Variants in ABCC8 observed in about 807,000 individuals in gnomAD.
ABCC8 encodes the protein ATP binding cassette subfamily C member 8, also known as ATP-binding cassette sub-family C member 8.
Under a neutral mutation model 188.0 loss-of-function variants are expected in ABCC8, and 137 were observed. The ratio of observed to expected loss-of-function variants is 0.73; its 90% CI spans 0.63 to 0.84. The LOEUF is 0.84. Among genes scored for constraint, ABCC8 ranks in the 40% least tolerant of loss-of-function variants. The probability of loss-of-function intolerance (pLI) is 0.00; values close to 1 mark genes in which losing one functional copy is unlikely to be tolerated. For missense variants in ABCC8, 1,750 were observed against 2,072.7 expected, an observed-to-expected ratio of 0.84 and a Z score of 3.02; for synonymous variants, 797 against 846.5, an observed-to-expected ratio of 0.94 and a Z score of 1.01.
At position 17,450,300 on chromosome 11, in the gene ABCC8, TTCTTTCTTTCTTTCTTTCTTTCTTTCTC is replaced by T. The variant is rs1564959129; in HGVS notation, c.1177-1657_1177-1630del. Among the ~76,000 whole-genome samples, 68 of 139,338 alleles carry T rather than the reference TTCTTTCTTTCTTTCTTTCTTTCTTTCTC, an allele frequency of 4.9e-4. 1 individual carries two copies. Among genetic ancestry groups the T allele is most frequent in the South Asian group, 2.0e-3 (9 of 4,406 alleles). The allele number at this position is 139,338 out of a possible 152,430, so 91.4% of individuals were successfully genotyped here. ...TTTCTTTCTTTCTTTCTTTCTTTCT[TTCTTTCTTTCTTTCTTTCTTTCTTTCTC>T]TCTCTCTCTTTCCTTTCTTTCTTTC... On this transcript the variant is annotated intron_variant, in intron 7 of 38. Transcript: ENST00000389817.
At position 17,430,803 on chromosome 11, in the gene ABCC8, C is replaced by G. The variant is rs768601143; in HGVS notation, c.1817+11G>C. The G allele has an allele frequency of 1.2e-6, 2 of 1,613,984 alleles. No homozygotes were observed. Among genetic ancestry groups the G allele is most frequent in the Admixed American group, 3.3e-5 (2 of 60,026 alleles). Reference sequence around the variant, plus strand: ...GCCTGCCCAGTGCCCTCGCCCGGACCCTCCCCTCACCTCACTAGAGCTTTG... The same window carrying G: ...GCCTGCCCAGTGCCCTCGCCCGGACGCTCCCCTCACCTCACTAGAGCTTTG... On this transcript the variant is annotated intron_variant, in intron 12 of 38. Transcript: ENST00000389817.
chr11:17,454,811 A>G (rs1956935148), intron 6 of ABCC8, among the ~76,000 whole-genome samples: 1 of 152,174 alleles, frequency 6.6e-6, no homozygotes. Flanking sequence ...TGTCAAAAAC[A>G]CTACCCCAGA....
chr11:17,432,412 C>T (rs181385818), intron 10 of ABCC8, 168 bp from the exon 11 acceptor site: 7 of 1,401,768 alleles, frequency 5.0e-6, no homozygotes, highest in African/African-American at 4.3e-5. Context: ...CAGTTCCTCA[C>T]CCCATTTCCC....
intron 1 of ABCC8, 134 bp downstream of exon 1, chr11:17,476,495 G>T: frequency 8.9e-7 from 1 of 1,121,730 alleles, no homozygotes; most frequent in East Asian, 2.7e-5. Flanking sequence ...CAGGACACAG[G>T]GCAGGGGACC....
At chr11:17,446,927 T>C (rs1034177161) in intron 8 of ABCC8, among the ~76,000 whole-genome samples, 1 of 152,204 alleles carries the variant, frequency 6.6e-6, no homozygotes, top group Non-Finnish European at 1.5e-5. Context: ...TCTGGATTGG[T>C]AACACCTCAC....
chr11:17,473,020 C>T (rs1341764428), intron 2 of ABCC8, among the ~76,000 whole-genome samples: 1 of 152,184 alleles, frequency 6.6e-6, no homozygotes, highest in African/African-American at 2.4e-5. Flanking sequence ...TTTGAAACAC[C>T]TTATACTTTC....
At chr11:17,413,733 A>T (rs2133475196) in intron 19 of ABCC8, among the ~76,000 whole-genome samples, 1 of 152,306 alleles carries the variant, frequency 6.6e-6, no homozygotes, top group East Asian at 1.9e-4. Context: ...TAAGTGATGA[A>T]AGGGCGCTCA....
chr11:17,445,793 A>G (rs1418354327), intron 8 of ABCC8, among the ~76,000 whole-genome samples: 3 of 141,984 alleles, frequency 2.1e-5, no homozygotes, highest in African/African-American at 7.8e-5. Context: ...GAAAATCTCT[A>G]CCCCCAGTGC....
intron 16 of ABCC8, among the ~76,000 whole-genome samples, chr11:17,422,373 C>A (rs1955386293): frequency 6.6e-6 from 1 of 152,172 alleles, no homozygotes; most frequent in African/African-American, 2.4e-5. Flanking sequence ...TTGTCATAAG[C>A]ATGATCCTTC....
chr11:17,448,819 G>A (rs188269481), intron 7 of ABCC8, 148 bp from the exon 8 acceptor site: 60 of 1,276,712 alleles, frequency 4.7e-5, no homozygotes, highest in African/African-American at 1.2e-4. Flanking sequence ...CTGTATCACC[G>A]TTCCAACTTA....
chr11:17,414,476 C>T (rs754940831), intron 19 of ABCC8, 36 bp downstream of exon 19: 38 of 1,612,992 alleles, frequency 2.4e-5, no homozygotes, highest in Non-Finnish European at 2.7e-5. Flanking sequence ...ACAGTTCCTC[C>T]CCTCCACATC....
At chr11:17,425,793 T>G (rs776237975) in intron 16 of ABCC8, among the ~76,000 whole-genome samples, 4 of 152,094 alleles carry the variant, frequency 2.6e-5, no homozygotes, top group Non-Finnish European at 5.9e-5. Flanking sequence ...CCATCAACCC[T>G]TCATCTACAT....
At position 17,428,577 on chromosome 11, in the gene ABCC8, C is replaced by T. The variant is rs2133539197; in HGVS notation, c.1911G>A (p.Lys637=). Reference sequence around the variant, plus strand: ...GCCGGGCACTCACCACCGCCTGGTACTTGCTGGCTGGGCCCTGAGGTGTGG... The same window carrying T: ...GCCGGGCACTCACCACCGCCTGGTATTTGCTGGCTGGGCCCTGAGGTGTGG... ...HEPTPQGPAS[K]YQAVPLRVVN... Residue 637 remains lysine (K), a synonymous_variant, in exon 13 of 39, where the codon AAG becomes AAA. Transcript: ENST00000389817. 6.2e-7 allele frequency: 1 copy of T among 1,614,134 alleles called. No individual in the cohort carries two copies. Among genetic ancestry groups the T allele is most frequent in the East Asian group, 2.2e-5 (1 of 44,880 alleles).
chr11:17,456,936 G>A (rs896084611), intron 6 of ABCC8, among the ~76,000 whole-genome samples: 3 of 152,206 alleles, frequency 2.0e-5, no homozygotes, highest in African/African-American at 7.2e-5. Context: ...GCACACAGAG[G>A]TCAGGCAATA....
intron 16 of ABCC8, among the ~76,000 whole-genome samples, chr11:17,420,552 G>A (rs879739878): frequency 2.6e-5 from 4 of 152,136 alleles, no homozygotes; most frequent in Non-Finnish European, 4.4e-5. Context: ...AGGCAGATGC[G>A]ACCAGGGCCG....
chr11:17,453,200 G>C lies in ABCC8; in HGVS notation c.1095C>G (p.Ala365=), dbSNP rs1256418853. Residue 365 remains alanine (A), a synonymous_variant, in exon 7 of 39, where the codon GCC becomes GCG. Transcript: ENST00000389817. ...AYVLAVLLFL[A]LLLQRTFLQA... is the part of the protein sequence containing the mutation. The stretch of plus-strand genomic sequence containing the variant: ...GCAGAAATGTCCTTTGCAGTAGGAG[G>C]GCAAGGAACAGAAGCACAGCTAAGA... 6.2e-7 allele frequency: 1 copy of C among 1,614,090 alleles called. No individual in the cohort carries two copies. The highest frequency in any genetic ancestry group is 8.5e-7 in the Non-Finnish European group (1 of 1,180,018).
intron 29 of ABCC8, among the ~76,000 whole-genome samples, chr11:17,400,891 T>G (rs764182027): frequency 1.3e-4 from 20 of 152,240 alleles, no homozygotes; most frequent in Non-Finnish European, 2.8e-4. Flanking sequence ...GGGCAATCAA[T>G]AAGTGCTAAT....
At position 17,461,764 on chromosome 11, in the gene ABCC8, C is replaced by T. The variant is rs1309062436; in HGVS notation, c.641G>A (p.Gly214Glu). ...VKPPEDLQDL[G>E]VRFLQPFVNL... ...CACGAAGGGCTGCAGGAAGCGTACC[C>T]CCAGGTCTTGCAGGTCCTCGGGAGG... The change falls in exon 5 of 39, where the codon GGG becomes GAG. Residue 214 changes from glycine to glutamate, a missense_variant. Transcript: ENST00000389817. 6.2e-7 allele frequency: 1 copy of T among 1,614,044 alleles called. No individual in the cohort carries two copies. Among genetic ancestry groups the T allele is most frequent in the Non-Finnish European group, 8.5e-7 (1 of 1,180,042 alleles).
intron 16 of ABCC8, among the ~76,000 whole-genome samples, chr11:17,419,609 T>C (rs775511822): frequency 2.0e-5 from 3 of 152,210 alleles, no homozygotes; most frequent in Non-Finnish European, 2.9e-5. Flanking sequence ...ATGTGCATTC[T>C]TTTAGAATCA....
Sources: allele counts gnomAD v4.1 joint callset (sites outside exome capture counted in the v4.1 genomes callset), GRCh38; gene constraint gnomAD v4.1.1; transcripts MANE v1.5; gene names NCBI Gene and HGNC (gene_info 2026-07-23, HGNC 2026-07-21).